CABIN1: variants seen among roughly 807,000 people sequenced by gnomAD.
CABIN1 encodes the protein calcineurin binding protein 1.
Under a neutral mutation model 227.7 loss-of-function variants are expected in CABIN1, and 133 were observed. That is an observed-to-expected ratio of 0.58 (90% CI 0.51 to 0.67). CABIN1 has a LOEUF of 0.67. Among genes scored for constraint, CABIN1 ranks in the 30% least tolerant of loss-of-function variants. The pLI is 0.00. For missense variants in CABIN1, 2,408 were observed against 2,852.5 expected, an observed-to-expected ratio of 0.84 and a Z score of 3.55; for synonymous variants, 1,086 against 1,155.1, an observed-to-expected ratio of 0.94 and a Z score of 1.21.
intron 28 of CABIN1, among the ~76,000 whole-genome samples, chr22:24,122,537 G>A (rs2043478000): frequency 6.6e-6 from 1 of 152,054 alleles, no homozygotes; most frequent in Non-Finnish European, 1.5e-5. Context: ...GCGAAATCTT[G>A]TCTATACTAA....
chr22:24,109,250 G>A (rs1470686391), intron 26 of CABIN1, among the ~76,000 whole-genome samples: 3 of 148,234 alleles, frequency 2.0e-5, no homozygotes, highest in South Asian at 2.1e-4. Context: ...ACAGGGTCTC[G>A]CTCTGTTTTT....
At chr22:24,137,393 T>G (rs2044487993) in intron 29 of CABIN1, among the ~76,000 whole-genome samples, 1 of 152,206 alleles carries the variant, frequency 6.6e-6, no homozygotes, top group African/African-American at 2.4e-5. Context: ...TTCTGGGACC[T>G]TCCAAAATGA....
intron 28 of CABIN1, among the ~76,000 whole-genome samples, chr22:24,126,078 C>T (rs1344378553): frequency 6.6e-6 from 1 of 152,222 alleles, no homozygotes; most frequent in Non-Finnish European, 1.5e-5. Context: ...CCACAACTGT[C>T]CCACAAGCCA....
In CABIN1 at chr22:24,171,846, C is replaced by T. The variant is rs760327741; in HGVS notation, c.5891C>T (p.Thr1964Ile). 1.9e-6 allele frequency: 3 copies of T among 1,614,130 alleles called. No homozygotes were observed. In the Admixed American group the frequency reaches 5.0e-5, roughly 27 times the overall value. ...GTCCAGCGGCCCAGTGATGCTCACA[C>T]CAAGCCTCGCCCTGCACTAGCTGCC... is the stretch of plus-strand genomic sequence containing the variant. ...DSVQRPSDAH[T>I]KPRPALAAAT... is the part of the protein sequence containing the mutation. Residue 1964 changes from threonine (T) to isoleucine (I), a missense_variant, in exon 34 of 37, where the codon ACC becomes ATC. Thr to Ile is a moderately conservative substitution (Grantham distance 89). Coordinates refer to ENST00000263119, the MANE Select transcript of CABIN1 (RefSeq NM_012295.4).
chr22:24,094,379 G>A (rs2041746435), intron 24 of CABIN1, among the ~76,000 whole-genome samples: 1 of 152,228 alleles, frequency 6.6e-6, no homozygotes, highest in Non-Finnish European at 1.5e-5. Context: ...GGCCTTAGAT[G>A]TGTGGCCTAC....
chr22:24,060,866 C>T (rs979598939), intron 12 of CABIN1, among the ~76,000 whole-genome samples: 6 of 152,072 alleles, frequency 3.9e-5, no homozygotes, highest in African/African-American at 9.7e-5. Context: ...CGCCACCGCA[C>T]TCCAGCCTAG....
intron 12 of CABIN1, among the ~76,000 whole-genome samples, chr22:24,060,893 CTT>C (rs758833633): frequency 4.2e-4 from 63 of 151,756 alleles, no homozygotes; most frequent in Non-Finnish European, 6.2e-4. Context: ...AGGCGAGACT[CTT>C]GTCTCAAAAA....
At chr22:24,067,226 C>G (rs745812302) in intron 16 of CABIN1, 45 bp downstream of exon 16, 1 of 1,593,868 alleles carries the variant, frequency 6.3e-7, no homozygotes, top group South Asian at 1.1e-5. Flanking sequence ...ACCTTCTCTC[C>G]TTGCTTGTTT....
At position 24,148,447 on chromosome 22, in the gene CABIN1, G is replaced by C. The variant is rs1432226676; in HGVS notation, c.4746+14032G>C. Reference sequence around the variant, plus strand: ...TCATTAGGGTTGCCCTCTGTGGCAGGAGCCTCAGTAGGTGTGGCTGGGACT... The same window carrying C: ...TCATTAGGGTTGCCCTCTGTGGCAGCAGCCTCAGTAGGTGTGGCTGGGACT... On this transcript the variant is annotated intron_variant, in intron 29 of 36. Coordinates refer to ENST00000263119, the MANE Select transcript of CABIN1 (RefSeq NM_012295.4). Among the ~76,000 whole-genome samples, 3 of 152,216 alleles carry C rather than the reference G, an allele frequency of 2.0e-5. No homozygotes were observed. The East Asian group carries it at 5.8e-4, about 29-fold the overall frequency.
intron 4 of CABIN1, 59 bp downstream of exon 4, chr22:24,038,520 T>TG (rs1021051305): frequency 8.5e-7 from 1 of 1,170,746 alleles, no homozygotes; most frequent in African/African-American, 1.5e-5. Flanking sequence ...GCTGTGGGGC[T>TG]GGGTACTCTG....
At position 24,143,422 on chromosome 22, in the gene CABIN1, G is replaced by A. The variant is rs1365082170; in HGVS notation, c.4746+9007G>A. On this transcript the variant is annotated intron_variant, in intron 29 of 36. Transcript: ENST00000263119. Reference sequence around the variant, plus strand: ...TCAAGCAGGGATTCCCTTGGGTTGCGGGACTACACTGTCTGCTAGCCTGAG... The same window carrying A: ...TCAAGCAGGGATTCCCTTGGGTTGCAGGACTACACTGTCTGCTAGCCTGAG... Among the ~76,000 whole-genome samples, 6 of 152,190 alleles carry A rather than the reference G, an allele frequency of 3.9e-5. No homozygotes were observed. The East Asian group carries it at 5.8e-4, about 15-fold the overall frequency.
intron 23 of CABIN1, among the ~76,000 whole-genome samples, chr22:24,090,135 A>G (rs1443645077): frequency 6.6e-6 from 1 of 152,210 alleles, no homozygotes; most frequent in Non-Finnish European, 1.5e-5. Flanking sequence ...CCACAAGGAC[A>G]GGGACATTGG....
intron 26 of CABIN1, among the ~76,000 whole-genome samples, chr22:24,105,206 C>T (rs1185763556): frequency 6.6e-6 from 1 of 152,166 alleles, no homozygotes; most frequent in African/African-American, 2.4e-5. Context: ...GCGTTGCCAG[C>T]TGTCATTCCT....
chr22:24,084,602 A>G lies in CABIN1; in HGVS notation c.2934A>G (p.Ala978=). 2 of 1,613,828 alleles carry G rather than the reference A, an allele frequency of 1.2e-6. No homozygotes were observed. Among genetic ancestry groups the G allele is most frequent in the Non-Finnish European group, 1.7e-6 (2 of 1,179,890 alleles). Residue 978 remains alanine (A), a synonymous_variant, in exon 21 of 37, where the codon GCA becomes GCG. Coordinates refer to ENST00000263119, the MANE Select transcript of CABIN1 (RefSeq NM_012295.4). Reference sequence around the variant, plus strand: ...AGGTGGATCTTATATGGGAGGATGCACTGTTCATGTTTGAGTATTTTAAGC... The same window carrying G: ...AGGTGGATCTTATATGGGAGGATGCGCTGTTCATGTTTGAGTATTTTAAGC... The part of the protein sequence containing the change: ...AQQVDLIWED[A]LFMFEYFKPK...
chr22:24,080,739 G>A (rs2040751279), intron 19 of CABIN1, among the ~76,000 whole-genome samples: 1 of 151,992 alleles, frequency 6.6e-6, no homozygotes, highest in Non-Finnish European at 1.5e-5. Context: ...TTTCTATTTG[G>A]TTTTTGTGAG....
intron 16 of CABIN1, 40 bp downstream of exon 16, chr22:24,067,221 C>T: frequency 6.3e-7 from 1 of 1,596,950 alleles, no homozygotes; most frequent in Non-Finnish European, 8.6e-7. Flanking sequence ...CTTGCACCTT[C>T]TCTCCTTGCT....
At chr22:24,091,092 G>A (rs2041512368) in intron 23 of CABIN1, among the ~76,000 whole-genome samples, 1 of 152,196 alleles carries the variant, frequency 6.6e-6, no homozygotes, top group South Asian at 2.1e-4. Context: ...TCAGGAATTT[G>A]CCCTTCTACA....
At chr22:24,016,277 A>G (rs936210922) in intron 1 of CABIN1, among the ~76,000 whole-genome samples, 2 of 152,114 alleles carry the variant, frequency 1.3e-5, no homozygotes, top group African/African-American at 2.4e-5. Context: ...GGCTTCTTCC[A>G]CTTAGGATAA....
At chr22:24,125,308 T>A (rs1181530016) in intron 28 of CABIN1, among the ~76,000 whole-genome samples, 1 of 152,216 alleles carries the variant, frequency 6.6e-6, no homozygotes, top group Non-Finnish European at 1.5e-5. Context: ...CAGCTGGTGC[T>A]CTGGTGTGAG....
Sources: allele counts gnomAD v4.1 joint callset (sites outside exome capture counted in the v4.1 genomes callset), GRCh38; gene constraint gnomAD v4.1.1; transcripts MANE v1.5; gene names NCBI Gene and HGNC (gene_info 2026-07-23, HGNC 2026-07-21).